The following GNAT2 variants were observed in gnomAD, a reference collection of about 807,000 sequenced individuals.
GNAT2 encodes guanine nucleotide-binding protein G(t) subunit alpha-2.
GNAT2 carries 32 observed loss-of-function variants against 40.9 expected under a neutral mutation model. The observed-to-expected ratio is 0.78, with a 90% CI of 0.59 to 1.05. The LOEUF (loss-of-function observed/expected upper bound fraction) is 1.05, where lower values mean the gene tolerates loss of function less well. Among genes scored for constraint, GNAT2 ranks in the 50% least tolerant of loss-of-function variants. The pLI is 0.00. For synonymous variants in GNAT2, 141 were observed against 157.2 expected, an observed-to-expected ratio of 0.90 and a Z score of 0.77; for missense variants, 355 against 431.5, an observed-to-expected ratio of 0.82 and a Z score of 1.57.
At chr1:109,604,740 G>C (rs1361062283) in intron 7 of GNAT2, 2 of 156,956 alleles carry the variant, frequency 1.3e-5, no homozygotes, top group Non-Finnish European at 2.8e-5. Flanking sequence ...CCCCAGCCCA[G>C]CTTGCTTTTA....
At chr1:109,611,178 A>AT (rs55923624) in intron 2 of GNAT2, 1,708 of 136,138 alleles carry the variant, frequency 0.013, 20 homozygotes, top group African/African-American at 0.036. Flanking sequence ...GCCCGACTAC[A>AT]TTTTTTTTTT....
At chr1:109,609,368 C>T (rs1230444459) in intron 4 of GNAT2, 2 of 176,744 alleles carry the variant, frequency 1.1e-5, no homozygotes, top group Non-Finnish European at 2.4e-5. Context: ...CACGGTGGCT[C>T]ACACCTGTAA....
chr1:109,616,131 C>G (rs1215800754), intron 1 of GNAT2: 17 of 152,246 alleles, frequency 1.1e-4, no homozygotes, highest in Admixed American at 1.1e-3. Flanking sequence ...ATCCTGATGT[C>G]TGTGACCTCC....
intron 6 of GNAT2, 52 bp from the exon 7 acceptor site, chr1:109,606,151 T>G (rs1313270338): frequency 1.2e-6 from 2 of 1,604,962 alleles, no homozygotes; most frequent in Non-Finnish European, 1.7e-6. Context: ...ACGACCTATA[T>G]GCCTTTGATG....
intron 1 of GNAT2, chr1:109,614,870 T>A (rs1406183730): frequency 6.6e-6 from 1 of 152,196 alleles, no homozygotes; most frequent in African/African-American, 2.4e-5. Context: ...GTTTTCCCAA[T>A]CAAATTGGCA....
intron 2 of GNAT2, chr1:109,611,821 T>G (rs886353394): frequency 2.0e-5 from 3 of 152,180 alleles, no homozygotes; most frequent in African/African-American, 7.2e-5. Context: ...TACAAAGATA[T>G]GCTCCTTTAG....
chr1:109,610,620 A>G, intron 2 of GNAT2, 113 bp from the exon 3 acceptor site: 1 of 836,518 alleles, frequency 1.2e-6, no homozygotes. Context: ...GTTAGGGGAG[A>G]ATACATAGGG....
Position 109,606,517 on chromosome 1 carries a change from A to T in GNAT2, c.462-81T>A, listed in dbSNP as rs2101124475. ...CGTAAAAGGTATCTTACCCAAAGTC[A>T]CACAGCTAATTTGGTGATAGAAATC... is the stretch of plus-strand genomic sequence containing the variant. On this transcript the variant is annotated intron_variant, in intron 5 of 8. Transcript: ENST00000679935. 5 of 1,156,346 alleles carry T rather than the reference A, an allele frequency of 4.3e-6. No individual in the cohort carries two copies. In the South Asian group the frequency reaches 4.9e-5, roughly 11 times the overall value. The allele number at this position is 1,156,346 out of a possible 1,614,324, so 71.6% of individuals were successfully genotyped here.
intron 2 of GNAT2, chr1:109,610,724 G>A: frequency 3.3e-6 from 2 of 615,150 alleles, no homozygotes; most frequent in Middle Eastern, 4.4e-4. Context: ...TTTAGTTTGG[G>A]CTGTCTCATG....
intron 1 of GNAT2, among the ~76,000 whole-genome samples, chr1:109,618,916 T>G (rs1452397765): frequency 6.6e-6 from 1 of 152,094 alleles, no homozygotes; most frequent in African/African-American, 2.4e-5. Context: ...ATCTCTGCTG[T>G]GGGAGTGGTA....
Position 109,612,794 on chromosome 1 carries a change from T to C in GNAT2, c.77A>G (p.Asp26Gly), listed in dbSNP as rs748317500. 3.1e-6 allele frequency: 5 copies of C among 1,612,970 alleles called. No homozygotes were observed. The highest frequency in any genetic ancestry group is 3.4e-6 in the Non-Finnish European group (4 of 1,178,938). ...GACAGTCTTGGCTTCCTTATCAGCA[T>C]CCTCCTGCAGCTTCTTTTCTAGCTC... ...SKELEKKLQE[D>G]ADKEAKTVKL... Residue 26 changes from aspartate to glycine, a missense_variant, in exon 2 of 9, where the codon GAT becomes GGT. Asp to Gly is a moderately conservative substitution (Grantham distance 94, BLOSUM62 -1). Coordinates refer to ENST00000679935, the MANE Select transcript of GNAT2 (RefSeq NM_001377295.2).
Position 109,610,496 on chromosome 1 carries a change from A to G in GNAT2, c.130T>C (p.Ser44Pro), listed in dbSNP as rs1459132092. Residue 44 changes from serine (S) to proline (P), a missense_variant, in exon 3 of 9, where the codon TCA (serine) becomes CCA (proline). By Grantham distance (74) the Ser-to-Pro change is moderately conservative (BLOSUM62 -1). Coordinates refer to ENST00000679935, the MANE Select transcript of GNAT2 (RefSeq NM_001377295.2). ...VKLLLLGAGE[S>P]GKSTIVKQMK... Reference sequence around the variant, plus strand: ...TGTTTGACGATGGTGCTCTTTCCTGACTCCCCAGCACCTGGAAGGAAAAAT... The same window carrying G: ...TGTTTGACGATGGTGCTCTTTCCTGGCTCCCCAGCACCTGGAAGGAAAAAT... 3 of 1,612,924 alleles carry G rather than the reference A, an allele frequency of 1.9e-6. No homozygotes were observed. The highest frequency in any genetic ancestry group is 2.5e-6 in the Non-Finnish European group (3 of 1,179,578).
intron 5 of GNAT2, 62 bp downstream of exon 5, chr1:109,608,569 G>A: frequency 1.3e-6 from 2 of 1,532,116 alleles, no homozygotes; most frequent in South Asian, 2.2e-5. Context: ...CTCCCAACCA[G>A]AGAGAAGACT....
At chr1:109,616,460 C>CTTG (rs1189278758) in intron 1 of GNAT2, 1 of 152,134 alleles carries the variant, frequency 6.6e-6, no homozygotes, top group Non-Finnish European at 1.5e-5. Flanking sequence ...CGTGGTAAGC[C>CTTG]TTGTCTTAAG....
chr1:109,606,499 G>C, intron 5 of GNAT2, 63 bp from the exon 6 acceptor site: 1 of 1,398,400 alleles, frequency 7.2e-7, no homozygotes, highest in Non-Finnish European at 1.0e-6. Flanking sequence ...AGACGTAAAA[G>C]GTATCTTACC....
chr1:109,615,393 A>G (rs1298029188), intron 1 of GNAT2: 1 of 152,264 alleles, frequency 6.6e-6, no homozygotes, highest in African/African-American at 2.4e-5. Flanking sequence ...ACACTTTGGG[A>G]GGCCAAAATG....
At chr1:109,614,581 G>T (rs1365534170) in intron 1 of GNAT2, 1 of 152,206 alleles carries the variant, frequency 6.6e-6, no homozygotes, top group Non-Finnish European at 1.5e-5. Context: ...TGCAGTCCAG[G>T]CACAAGGATT....
intron 5 of GNAT2, chr1:109,607,146 A>ATT (rs371584623): frequency 9.1e-6 from 1 of 109,534 alleles, no homozygotes; most frequent in Admixed American, 9.2e-5. Context: ...AGAAAAAGTT[A>ATT]TTTTTTTTAA....
At chr1:109,609,040 C>G in intron 4 of GNAT2, 1 of 528,390 alleles carries the variant, frequency 1.9e-6, no homozygotes, top group Non-Finnish European at 3.4e-6. Flanking sequence ...TATTTCCTCT[C>G]TGGAGTTTCT....
Sources: gnomAD v4.1 joint callset for allele counts (sites outside exome capture counted in the v4.1 genomes callset) on GRCh38, gnomAD v4.1.1 for gene constraint, MANE v1.5 for transcripts, NCBI Gene and HGNC (gene_info 2026-07-23, HGNC 2026-07-21) for gene names.